The following PIK3C2G variants were observed in gnomAD, a reference collection of about 807,000 sequenced individuals.
PIK3C2G encodes phosphatidylinositol 3-kinase C2 domain-containing subunit gamma.
Under a neutral mutation model 181.1 loss-of-function variants are expected in PIK3C2G, and 168 were observed. That is an observed-to-expected ratio of 0.93 (90% CI 0.82 to 1.05). The LOEUF (loss-of-function observed/expected upper bound fraction) is 1.05, where lower values mean the gene tolerates loss of function less well. Among genes scored for constraint, PIK3C2G ranks in the 50% least tolerant of loss-of-function variants. The pLI, the probability that PIK3C2G is intolerant of heterozygous loss-of-function variation, is 0.00. For missense variants in PIK3C2G, 1,869 were observed against 1,732.8 expected (o/e 1.08, Z -1.40); for synonymous variants, 573 against 592.2 (o/e 0.97, Z 0.47).
At chr12:18,253,728 C>T (rs1156845781) in intron 1 of PIK3C2G, among the ~76,000 whole-genome samples, 4 of 152,136 alleles carry the variant, frequency 2.6e-5, no homozygotes, top group Admixed American at 2.0e-4. Context: ...CAAATGTCCA[C>T]AAAGTAATTC....
chr12:18,335,296 T>C (rs749671380), intron 8 of PIK3C2G, among the ~76,000 whole-genome samples: 4 of 152,134 alleles, frequency 2.6e-5, no homozygotes, highest in African/African-American at 7.2e-5. Flanking sequence ...ACACCAATCC[T>C]ACAGCTGAGG....
At chr12:18,486,953 T>C (rs1489993040) in intron 18 of PIK3C2G, among the ~76,000 whole-genome samples, 1 of 152,176 alleles carries the variant, frequency 6.6e-6, no homozygotes, top group African/African-American at 2.4e-5. Context: ...ATGTGGTCCA[T>C]TTATTACTTG....
At chr12:18,449,289 A>T (rs1336428073) in intron 18 of PIK3C2G, among the ~76,000 whole-genome samples, 2 of 151,504 alleles carry the variant, frequency 1.3e-5, no homozygotes, top group Admixed American at 6.6e-5. Context: ...ATTATTTATT[A>T]TTTTTTTTAT....
chr12:18,557,232 T>C (rs1205367886), intron 26 of PIK3C2G, among the ~76,000 whole-genome samples: 1 of 151,990 alleles, frequency 6.6e-6, no homozygotes, highest in Non-Finnish European at 1.5e-5. Context: ...ATAATAAAGC[T>C]CTCTAATTAA....
At chr12:18,362,956 A>T (rs548661808) in intron 12 of PIK3C2G, 70 bp downstream of exon 12, 19 of 1,236,722 alleles carry the variant, frequency 1.5e-5, no homozygotes, top group Admixed American at 3.1e-5. Context: ...CTTTTTTTAA[A>T]AGCAAGGGAT....
At chr12:18,388,691 G>T (rs1490615524) in intron 14 of PIK3C2G, among the ~76,000 whole-genome samples, 5 of 152,208 alleles carry the variant, frequency 3.3e-5, no homozygotes, top group Admixed American at 2.6e-4. Flanking sequence ...TGGTTGTGGG[G>T]CATGGACGCT....
chr12:18,603,780 T>C (rs1225421679), intron 30 of PIK3C2G, among the ~76,000 whole-genome samples: 1 of 152,074 alleles, frequency 6.6e-6, no homozygotes, highest in Non-Finnish European at 1.5e-5. Flanking sequence ...TAAGCATCAT[T>C]TATGAAGGAA....
At chr12:18,386,261 T>C (rs777953570) in intron 14 of PIK3C2G, among the ~76,000 whole-genome samples, 44 of 152,226 alleles carry the variant, frequency 2.9e-4, no homozygotes, top group Non-Finnish European at 4.8e-4. Flanking sequence ...CTCATTCATT[T>C]AGTTTCTTTT....
At chr12:18,716,453 G>A in the PIK3C2G span, among the ~76,000 whole-genome samples, 1 of 152,174 alleles carries the variant, frequency 6.6e-6, no homozygotes, top group Non-Finnish European at 1.5e-5. Context: ...TACATGTGGA[G>A]GCACCCAAGA....
the PIK3C2G span, among the ~76,000 whole-genome samples, chr12:18,710,865 A>G: frequency 4.6e-5 from 7 of 152,198 alleles, no homozygotes; most frequent in Non-Finnish European, 7.3e-5. Flanking sequence ...AATGGCGATC[A>G]TTAAAAAGTC....
intron 32 of PIK3C2G, among the ~76,000 whole-genome samples, chr12:18,647,272 C>A (rs954812942): frequency 6.6e-6 from 1 of 151,464 alleles, no homozygotes; most frequent in Non-Finnish European, 1.5e-5. Flanking sequence ...GAGATGGGAA[C>A]CATAAAGACT....
At chr12:18,294,097 A>G in intron 5 of PIK3C2G, 82 bp downstream of exon 5, 1 of 666,912 alleles carries the variant, frequency 1.5e-6, no homozygotes, top group Middle Eastern at 3.3e-4. Context: ...TTTTAAACAG[A>G]CTTTACACAA....
intron 26 of PIK3C2G, among the ~76,000 whole-genome samples, chr12:18,551,438 T>C (rs1944723280): frequency 6.6e-6 from 1 of 151,950 alleles, no homozygotes; most frequent in African/African-American, 2.4e-5. Flanking sequence ...CCTGCCTACC[T>C]CCCCTCCCAC....
intron 6 of PIK3C2G, 37 bp from the exon 7 acceptor site, chr12:18,320,925 T>G: frequency 8.7e-7 from 1 of 1,149,498 alleles, no homozygotes; most frequent in South Asian, 1.3e-5. Flanking sequence ...TCATTCCTAT[T>G]CACTCAATAA....
chr12:18,346,491 G>A, intron 10 of PIK3C2G, 150 bp from the exon 11 acceptor site: 2 of 480,166 alleles, frequency 4.2e-6, no homozygotes, highest in East Asian at 6.6e-5. Context: ...GCATTCAGAG[G>A]TACAGATAGT....
At chr12:18,481,156 G>A (rs1409848658) in intron 18 of PIK3C2G, among the ~76,000 whole-genome samples, 3 of 151,908 alleles carry the variant, frequency 2.0e-5, no homozygotes, top group South Asian at 4.1e-4. Flanking sequence ...GGATGGTCTC[G>A]ATGTCTTGAC....
chr12:18,565,783 A>C (rs755605451), intron 28 of PIK3C2G, among the ~76,000 whole-genome samples: 1 of 152,320 alleles, frequency 6.6e-6, no homozygotes, highest in African/African-American at 2.4e-5. Flanking sequence ...ATATTAACAA[A>C]ATAGCAGAAT....
intron 18 of PIK3C2G, among the ~76,000 whole-genome samples, chr12:18,441,434 T>C (rs1946741137): frequency 6.6e-6 from 1 of 152,010 alleles, no homozygotes; most frequent in Non-Finnish European, 1.5e-5. Context: ...GCTTTTTAAA[T>C]ATACTGGTGG....
At chr12:18,720,341 T>C in the PIK3C2G span, among the ~76,000 whole-genome samples, 3 of 151,974 alleles carry the variant, frequency 2.0e-5, no homozygotes, top group Admixed American at 2.0e-4. Flanking sequence ...AAATGTCTTT[T>C]AGTGCAAATA....
Sources: gnomAD v4.1 joint callset for allele counts (sites outside exome capture counted in the v4.1 genomes callset) on GRCh38, gnomAD v4.1.1 for gene constraint, MANE v1.5 for transcripts, NCBI Gene and HGNC (gene_info 2026-07-23, HGNC 2026-07-21) for gene names.